The following DNM3 variants were observed in gnomAD, a reference collection of about 807,000 sequenced individuals.
DNM3 encodes dynamin 3.
A neutral mutation model predicts 101.6 loss-of-function variants in DNM3; 47 were observed. The ratio of observed to expected loss-of-function variants is 0.46; its 90% confidence interval spans 0.37 to 0.59. The LOEUF (loss-of-function observed/expected upper bound fraction) is 0.59, where lower values mean the gene tolerates loss of function less well. Among genes scored for constraint, DNM3 ranks in the 20% least tolerant of loss-of-function variants. The probability of loss-of-function intolerance (pLI) is 0.00; values close to 1 mark genes in which losing one functional copy is unlikely to be tolerated. For missense variants in DNM3, 849 were observed against 1,085.7 expected, an observed-to-expected ratio of 0.78 and a Z score of 3.06; for synonymous variants, 385 against 387.9, an observed-to-expected ratio of 0.99 and a Z score of 0.09.
At chr1:172,219,100 C>T (rs1264171763) in intron 14 of DNM3, among the ~76,000 whole-genome samples, 3 of 151,950 alleles carry the variant, frequency 2.0e-5, no homozygotes, top group Admixed American at 1.3e-4. Flanking sequence ...TGCCTGTAAT[C>T]GCAGTGCTTT....
In DNM3 at chr1:172,410,060, CTACCTTTGTGGGTACAT is replaced by C. The variant is rs1402926998; in HGVS notation, c.*2221_*2237del. ...CCCACAGTTGCACTGCCCCAATTGT[CTACCTTTGTGGGTACAT>C]TTTTGTTCTTTACTCCTAAGTTATT... On this transcript the variant is annotated 3_prime_UTR_variant, in exon 21 of 21. Transcript: ENST00000627582. 1 of 985,422 alleles carries C rather than the reference CTACCTTTGTGGGTACAT, an allele frequency of 1.0e-6. No individual in the cohort carries two copies. The highest frequency in any genetic ancestry group is 1.7e-5 in the African/African-American group (1 of 57,232). 61.0% of individuals were successfully genotyped at this position (985,422 alleles called of 1,614,324 possible).
At chr1:172,361,979 A>G (rs1479888746) in intron 17 of DNM3, among the ~76,000 whole-genome samples, 2 of 151,948 alleles carry the variant, frequency 1.3e-5, no homozygotes, top group Non-Finnish European at 2.9e-5. Flanking sequence ...CTGCTCCAAA[A>G]ATGATCTTCC....
chr1:172,027,617 C>CACACACACACAGAG lies in DNM3; in HGVS notation c.590-4784_590-4783insCACACACACAGAGA, dbSNP rs34981346. ...ACACACACACACACACACACACACA[C>CACACACACACAGAG]AGAGAGAGAGAAATTGGATACAGAG... On this transcript the variant is annotated intron_variant, in intron 4 of 20. Transcript: ENST00000627582. Among the ~76,000 whole-genome samples the CACACACACACAGAG allele has an allele frequency of 2.5e-3, 367 of 147,108 alleles. 6 individuals are homozygous for CACACACACACAGAG. The highest frequency in any genetic ancestry group is 9.2e-3 in the African/African-American group (356 of 38,658).
chr1:172,288,071 T>G (rs928980414), intron 15 of DNM3, among the ~76,000 whole-genome samples: 3 of 152,160 alleles, frequency 2.0e-5, no homozygotes, highest in African/African-American at 7.2e-5. Context: ...TCATTGCAAA[T>G]TATTACCAAA....
intron 2 of DNM3, among the ~76,000 whole-genome samples, chr1:171,928,051 G>C (rs1401108652): frequency 6.6e-6 from 1 of 152,184 alleles, no homozygotes. Context: ...AAGGCTTTGT[G>C]CAGGGTTGTT....
intron 17 of DNM3, among the ~76,000 whole-genome samples, chr1:172,362,793 C>T (rs2067811086): frequency 6.6e-6 from 1 of 151,658 alleles, no homozygotes; most frequent in South Asian, 2.1e-4. Context: ...CCACAAACCC[C>T]CATCCCCACA....
chr1:171,973,533 T>A (rs1336385566), intron 2 of DNM3, among the ~76,000 whole-genome samples: 1 of 152,158 alleles, frequency 6.6e-6, no homozygotes, highest in Admixed American at 6.5e-5. Context: ...GAAGAATTCA[T>A]TCTCTTGCCC....
chr1:172,040,196 A>T (rs533682106), intron 7 of DNM3, among the ~76,000 whole-genome samples: 3 of 152,028 alleles, frequency 2.0e-5, no homozygotes, highest in African/African-American at 7.2e-5. Context: ...TTTCTGAAAA[A>T]TTTTTCATGT....
At chr1:172,377,722 C>T (rs76450853) in intron 17 of DNM3, among the ~76,000 whole-genome samples, 1 of 151,780 alleles carries the variant, frequency 6.6e-6, no homozygotes, top group Non-Finnish European at 1.5e-5. Flanking sequence ...TCAGAAATGT[C>T]CTCATACTGT....
chr1:172,127,745 G>A (rs1401067107), intron 13 of DNM3, among the ~76,000 whole-genome samples: 1 of 151,928 alleles, frequency 6.6e-6, no homozygotes, highest in Non-Finnish European at 1.5e-5. Context: ...ATGCTCAATT[G>A]TTGCCCATGC....
At chr1:171,847,863 T>G (rs1402254932) in intron 1 of DNM3, among the ~76,000 whole-genome samples, 1 of 149,972 alleles carries the variant, frequency 6.7e-6, no homozygotes, top group Non-Finnish European at 1.5e-5. Flanking sequence ...GAGGGTTCAT[T>G]AATACCATAT....
intron 4 of DNM3, among the ~76,000 whole-genome samples, chr1:172,024,119 A>G (rs1178004771): frequency 2.6e-5 from 4 of 151,872 alleles, no homozygotes; most frequent in Non-Finnish European, 5.9e-5. Flanking sequence ...TTCATATTAC[A>G]ATGTTTATTT....
intron 7 of DNM3, among the ~76,000 whole-genome samples, chr1:172,041,049 G>A (rs2049349675): frequency 6.6e-6 from 1 of 152,082 alleles, no homozygotes; most frequent in Non-Finnish European, 1.5e-5. Context: ...AACAAGGCTA[G>A]AGCTAGTTTA....
intron 16 of DNM3, among the ~76,000 whole-genome samples, chr1:172,320,554 CT>C (rs1287896560): frequency 6.6e-6 from 1 of 152,098 alleles, no homozygotes; most frequent in Non-Finnish European, 1.5e-5. Flanking sequence ...ACTGTATGTT[CT>C]TACTCATAAG....
chr1:172,048,747 A>G lies in DNM3; in HGVS notation c.1332A>G (p.Lys444=). The change falls in exon 10 of 21, where the codon AAA becomes AAG. Residue 444 remains lysine (K), a synonymous_variant. Transcript: ENST00000627582. ...ELINTVKKCT[K]KLANFPRLCE... is the part of the protein sequence containing the mutation. ...TCAACACTGTGAAGAAGTGTACCAA[A>G]AAAGTAAGTTCGAATTATTTAACTT... The G allele has an allele frequency of 6.2e-7, 1 of 1,611,122 alleles. No homozygotes were observed. The highest frequency in any genetic ancestry group is 8.5e-7 in the Non-Finnish European group (1 of 1,178,768).
intron 2 of DNM3, among the ~76,000 whole-genome samples, chr1:171,940,004 G>T (rs2125405871): frequency 6.6e-6 from 1 of 152,234 alleles, no homozygotes; most frequent in East Asian, 1.9e-4. Context: ...TTGATCAGTA[G>T]TCACTGACCA....
intron 12 of DNM3, among the ~76,000 whole-genome samples, chr1:172,087,974 T>G (rs1376392536): frequency 6.6e-6 from 1 of 152,240 alleles, no homozygotes; most frequent in Non-Finnish European, 1.5e-5. Flanking sequence ...TACTTTTGCT[T>G]TAACACATGC....
At chr1:171,978,212 G>A (rs1028011920) in intron 2 of DNM3, among the ~76,000 whole-genome samples, 2 of 152,036 alleles carry the variant, frequency 1.3e-5, no homozygotes, top group Admixed American at 6.6e-5. Flanking sequence ...AAACAAATAC[G>A]AAAAACTTCA....
At chr1:172,221,438 A>T (rs537563406) in intron 14 of DNM3, among the ~76,000 whole-genome samples, 2 of 152,240 alleles carry the variant, frequency 1.3e-5, no homozygotes, top group South Asian at 4.1e-4. Context: ...TTTGAATACC[A>T]TAGTCTAGGT....
Sources: gnomAD v4.1 joint callset for allele counts (sites outside exome capture counted in the v4.1 genomes callset) on GRCh38, gnomAD v4.1.1 for gene constraint, MANE v1.5 for transcripts, NCBI Gene and HGNC (gene_info 2026-07-23, HGNC 2026-07-21) for gene names.